The following PCDH19 variants were observed in gnomAD, a reference collection of about 807,000 sequenced individuals.
PCDH19 encodes protocadherin 19.
A neutral mutation model predicts 46.2 loss-of-function variants in PCDH19; 6 were observed. That is an observed-to-expected ratio of 0.13 (90% CI 0.07 to 0.26). The LOEUF (loss-of-function observed/expected upper bound fraction) is 0.26. Ranked by LOEUF, PCDH19 falls within the 10% of genes least tolerant of loss-of-function variation. The pLI is 1.00. For synonymous variants in PCDH19, 481 were observed against 415.7 expected (o/e 1.16, Z -1.91); for missense variants, 740 against 972.3 (o/e 0.76, Z 3.18).
intron 3 of PCDH19, among the ~76,000 whole-genome samples, chrX:100,351,800 G>A (rs1327229045): frequency 1.8e-5 from 2 of 112,452 alleles, no homozygotes; most frequent in Non-Finnish European, 3.8e-5. Context: ...GATACTAACT[G>A]TACTAGGCTC....
At position 100,346,198 on chromosome X, in the gene PCDH19, G is replaced by A. The variant is rs769030463; in HGVS notation, c.2676-4123C>T. 5.4e-5 allele frequency among the ~76,000 whole-genome samples: 6 copies of A among 111,804 alleles called. No individual in the cohort carries two copies. The South Asian group carries it at 2.3e-3, about 42-fold the overall frequency. On this transcript the variant is annotated intron_variant, in intron 4 of 5. Coordinates refer to ENST00000373034, the MANE Select transcript of PCDH19 (RefSeq NM_001184880.2). The stretch of plus-strand genomic sequence containing the variant: ...AAGAGTTACTCAGCAGATGCATGAC[G>A]AATGAACATCACACAAATTCTGACC...
rs959224320 is a variant in PCDH19, at chrX:100,374,702, G to A, written c.2617-23998C>T. ...CGCCTGTAATCCCAGCAATTTGGGAGGCCGAGGCTGGCGGATCACAAGGTC... is the reference window on the plus strand; with the variant it reads ...CGCCTGTAATCCCAGCAATTTGGGAAGCCGAGGCTGGCGGATCACAAGGTC... On this transcript the variant is annotated intron_variant, in intron 3 of 5. Transcript: ENST00000373034. Among the ~76,000 whole-genome samples the A allele has an allele frequency of 3.0e-4, 33 of 111,752 alleles. No homozygotes were observed. In the Admixed American group the frequency reaches 3.1e-3, roughly 10 times the overall value.
At chrX:100,375,716 G>A (rs1301568750) in intron 3 of PCDH19, among the ~76,000 whole-genome samples, 1 of 111,716 alleles carries the variant, frequency 9.0e-6, no homozygotes, top group Non-Finnish European at 1.9e-5. Context: ...AGCCCTATAT[G>A]ATTAAAGACA....
chrX:100,383,166 G>A (rs752590699), intron 3 of PCDH19, among the ~76,000 whole-genome samples: 17 of 111,954 alleles, frequency 1.5e-4, no homozygotes, highest in Non-Finnish European at 2.6e-4. Context: ...AACATTTACT[G>A]ATGGCTTATT....
chrX:100,305,836 G>A (rs890988512), intron 5 of PCDH19, among the ~76,000 whole-genome samples: 7 of 111,779 alleles, frequency 6.3e-5, no homozygotes, highest in Admixed American at 3.8e-4. Flanking sequence ...ATTACATAAC[G>A]ATAAAAGGAC....
chrX:100,327,641 C>G (rs1925738215), intron 5 of PCDH19, among the ~76,000 whole-genome samples: 1 of 111,468 alleles, frequency 9.0e-6, no homozygotes, highest in South Asian at 3.9e-4. Context: ...GGATTATACC[C>G]CTTTTGTCCC....
At chrX:100,304,749 C>G (rs1290838211) in intron 5 of PCDH19, among the ~76,000 whole-genome samples, 5 of 112,065 alleles carry the variant, frequency 4.5e-5, no homozygotes, top group Non-Finnish European at 9.4e-5. Context: ...TTCTGGAAAT[C>G]AAGGACACAC....
intron 5 of PCDH19, among the ~76,000 whole-genome samples, chrX:100,306,048 A>G (rs374057232): frequency 6.3e-5 from 7 of 111,894 alleles, no homozygotes; most frequent in African/African-American, 2.3e-4. Flanking sequence ...GACTTAAACT[A>G]TAACCTACAG....
rs761695829 is a variant in PCDH19 at position 100,408,598 on chromosome X, G to A, written c.-1C>T. The A allele has an allele frequency of 1.7e-6, 2 of 1,148,602 alleles. No homozygotes were observed. The highest frequency in any genetic ancestry group is 5.1e-5 in the Admixed American group (2 of 39,382). The allele number at this position is 1,148,602 out of a possible 1,213,427, so 94.7% of individuals were successfully genotyped here. A position where few individuals can be genotyped will look rare whatever the true frequency, so the allele number is the denominator to read the frequency against. On this transcript the variant is annotated 5_prime_UTR_variant, in exon 1 of 6. Coordinates refer to ENST00000373034, the MANE Select transcript of PCDH19 (RefSeq NM_001184880.2). The stretch of plus-strand genomic sequence containing the variant: ...GCACCGGCAGCAGGAGCGACTCCAT[G>A]GCTGCACGGGGCTCTGCCTGGCCTC...
intron 3 of PCDH19, among the ~76,000 whole-genome samples, chrX:100,363,616 TA>T (rs1926966665): frequency 4.9e-5 from 1 of 20,240 alleles, no homozygotes; most frequent in Non-Finnish European, 8.9e-5. Context: ...TGGGAAGTTT[TA>T]TATATATATA....
intron 5 of PCDH19, among the ~76,000 whole-genome samples, chrX:100,336,406 G>A (rs1926088304): frequency 8.9e-6 from 1 of 112,238 alleles, no homozygotes; most frequent in Admixed American, 9.4e-5. Flanking sequence ...TAATATACCT[G>A]TGGTTGACAC....
chrX:100,342,533 C>A (rs1926282211), intron 4 of PCDH19, among the ~76,000 whole-genome samples: 1 of 111,863 alleles, frequency 8.9e-6, no homozygotes, highest in Non-Finnish European at 1.9e-5. Flanking sequence ...CTAATATTCT[C>A]ATTTGCAGAT....
chrX:100,401,288 C>T (rs1308143792), intron 3 of PCDH19, among the ~76,000 whole-genome samples: 1 of 111,856 alleles, frequency 8.9e-6, no homozygotes, highest in African/African-American at 3.3e-5. Context: ...AGCCATCATC[C>T]ATATACCACT....
intron 5 of PCDH19, among the ~76,000 whole-genome samples, chrX:100,325,729 A>G (rs1367248008): frequency 8.9e-6 from 1 of 112,677 alleles, no homozygotes; most frequent in Admixed American, 9.4e-5. Context: ...GGGGAAGGCA[A>G]AAAGTATGCA....
chrX:100,303,763 T>C (rs1487131815), intron 5 of PCDH19, among the ~76,000 whole-genome samples: 1 of 111,599 alleles, frequency 9.0e-6, no homozygotes, highest in African/African-American at 3.3e-5. Context: ...TTCTCCACTT[T>C]TGGTTGCTCC....
At chrX:100,313,162 G>T in intron 5 of PCDH19, among the ~76,000 whole-genome samples, 1 of 111,805 alleles carries the variant, frequency 8.9e-6, no homozygotes, top group Non-Finnish European at 1.9e-5. Flanking sequence ...TACACTCTTG[G>T]AATAATCTGT....
Position 100,322,833 on chromosome X carries a change from GTATATA to G in PCDH19, c.2848+19064_2848+19069del, listed in dbSNP as rs60720039. On this transcript the variant is annotated intron_variant, in intron 5 of 5. Transcript: ENST00000373034. ...CCTCCTTGGTTAGGTATATTCCTAA[GTATATA>G]TATATATATATATATATATATATAT... is the stretch of plus-strand genomic sequence containing the variant. Among the ~76,000 whole-genome samples, 33 of 48,757 alleles carry G rather than the reference GTATATA, an allele frequency of 6.8e-4. 2 individuals are homozygous for G. Among genetic ancestry groups the G allele is most frequent in the Middle Eastern group, 0.013 (1 of 78 alleles). The allele number at this position is 48,757 out of a possible 115,157, so 42.3% of individuals were successfully genotyped here.
At position 100,294,158 on chromosome X, in the gene PCDH19, T is replaced by C. The variant is rs1924518586; in HGVS notation, c.*2119A>G. 8.9e-6 allele frequency: 1 copy of C among 112,005 alleles called. No individual in the cohort carries two copies. Among genetic ancestry groups the C allele is most frequent in the African/African-American group, 3.3e-5 (1 of 30,745 alleles). 9.2% of individuals were successfully genotyped at this position (112,005 alleles called of 1,213,427 possible). ...TTTAATGTGTTAATCAAATAGTCAC[T>C]TGCAAAGAGAAATAAATACTTAATT... On this transcript the variant is annotated 3_prime_UTR_variant, in exon 6 of 6. Coordinates refer to ENST00000373034, the MANE Select transcript of PCDH19 (RefSeq NM_001184880.2).
intron 3 of PCDH19, among the ~76,000 whole-genome samples, chrX:100,378,860 T>C (rs1412305062): frequency 8.9e-6 from 1 of 111,992 alleles, no homozygotes; most frequent in Non-Finnish European, 1.9e-5. Context: ...TCCCCTTTCG[T>C]CAGCACTGCC....
Sources: allele counts gnomAD v4.1 joint callset (sites outside exome capture counted in the v4.1 genomes callset), GRCh38; gene constraint gnomAD v4.1.1; transcripts MANE v1.5; gene names NCBI Gene and HGNC (gene_info 2026-07-23, HGNC 2026-07-21).